MATN2: variants seen among roughly 807,000 people sequenced by gnomAD.
The protein encoded by MATN2 is matrilin-2.
In MATN2, 69 loss-of-function variants were observed where a neutral mutation model predicts 103.2. The ratio of observed to expected loss-of-function variants is 0.67; its 90% CI spans 0.55 to 0.82. The LOEUF (loss-of-function observed/expected upper bound fraction) is 0.82. MATN2 is among the 40% of genes least tolerant of loss of function. The pLI is 0.00. For synonymous variants in MATN2, 429 were observed against 450.2 expected (o/e 0.95, Z 0.60); for missense variants, 1,023 against 1,211.5 (o/e 0.84, Z 2.31).
In MATN2 at chr8:97,903,232, G is replaced by T. The variant is rs996490199; in HGVS notation, c.142+14990G>T. Among the ~76,000 whole-genome samples, 3 of 148,946 alleles carry T rather than the reference G, an allele frequency of 2.0e-5. No individual in the cohort carries two copies. In the Admixed American group the frequency reaches 2.1e-4, roughly 10 times the overall value. On this transcript the variant is annotated intron_variant, in intron 2 of 18. Coordinates refer to ENST00000254898, the MANE Select transcript of MATN2 (RefSeq NM_002380.5). ...TGCTCCATGGAACACACACATGCACGCCTTCACCCACCCTTTCCTGTACCT... is the reference window on the plus strand; with the variant it reads ...TGCTCCATGGAACACACACATGCACTCCTTCACCCACCCTTTCCTGTACCT...
chr8:97,964,973 G>A lies in MATN2; in HGVS notation c.958+3443G>A, dbSNP rs186442504. 7.0e-4 allele frequency among the ~76,000 whole-genome samples: 107 copies of A among 152,144 alleles called. 1 individual carries two copies. The highest frequency in any genetic ancestry group is 2.5e-3 in the African/African-American group (105 of 41,498). On this transcript the variant is annotated intron_variant, in intron 5 of 18. Transcript: ENST00000254898. The stretch of plus-strand genomic sequence containing the variant: ...GGTATTGAACTCCTGAGCTCAAGTA[G>A]TCTACCTGCCTCGGCCTCCTAAAGT...
In MATN2 at chr8:98,032,357, A is replaced by C. The variant is rs1268191307; in HGVS notation, c.2581+40A>C. The stretch of plus-strand genomic sequence containing the variant: ...GCAGTGTTTTTAGAAATTTTGGTGG[A>C]GGGAACCATGGTTTCCCTCCAGATA... On this transcript the variant is annotated intron_variant, in intron 16 of 18. Transcript: ENST00000254898. The C allele has an allele frequency of 2.7e-6, 4 of 1,502,106 alleles. No individual in the cohort carries two copies. In the Admixed American group the frequency reaches 5.6e-5, roughly 21 times the overall value. The allele number at this position is 1,502,106 out of a possible 1,614,324, so 93.0% of individuals were successfully genotyped here.
chr8:98,027,494 T>A lies in MATN2; in HGVS notation c.2021T>A (p.Val674Glu). 1 of 1,613,952 alleles carries A rather than the reference T, an allele frequency of 6.2e-7. No individual in the cohort carries two copies. The highest frequency in any genetic ancestry group is 2.2e-5 in the East Asian group (1 of 44,864). The change falls in exon 14 of 19, where the codon GTG becomes GAG. Residue 674 changes from valine to glutamate, a missense_variant. Val to Glu is a moderately radical substitution (Grantham distance 121, BLOSUM62 -2). Coordinates refer to ENST00000254898, the MANE Select transcript of MATN2 (RefSeq NM_002380.5). ...CTTGGAGAAGAGAATTTTGAGGTCG[T>A]GAAGCAGTTTGTCACTGGAATTATA... ...KSLGEENFEVVKQFVTGIIDS... is the reference protein window; with the variant it reads ...KSLGEENFEVEKQFVTGIIDS...
At chr8:97,999,745 C>T (rs949072711) in intron 7 of MATN2, among the ~76,000 whole-genome samples, 1 of 152,148 alleles carries the variant, frequency 6.6e-6, no homozygotes. Context: ...TCTTCTACAC[C>T]AGCCCTGCAT....
intron 2 of MATN2, among the ~76,000 whole-genome samples, chr8:97,920,392 G>A (rs578166761): frequency 1.3e-5 from 2 of 152,114 alleles, no homozygotes; most frequent in Admixed American, 6.5e-5. Flanking sequence ...ATTTTTAGTA[G>A]AGATGGGGTT....
intron 5 of MATN2, among the ~76,000 whole-genome samples, chr8:97,974,137 T>TTTTA (rs1212880814): frequency 6.6e-6 from 1 of 152,142 alleles, no homozygotes; most frequent in Non-Finnish European, 1.5e-5. Context: ...TTGGTTTTTA[T>TTTTA]TTTATTTATT....
intron 2 of MATN2, among the ~76,000 whole-genome samples, chr8:97,893,303 C>T (rs752290698): frequency 1.3e-5 from 2 of 152,196 alleles, no homozygotes; most frequent in Non-Finnish European, 2.9e-5. Context: ...ACCCTTTGGA[C>T]TTGGATTCTT....
rs760183163 is a variant in MATN2 at position 97,961,418 on chromosome 8, G to C, written c.846G>C (p.Leu282=). 6.2e-6 allele frequency: 10 copies of C among 1,612,948 alleles called. No homozygotes were observed. Among genetic ancestry groups the C allele is most frequent in the Non-Finnish European group, 6.8e-6 (8 of 1,179,418 alleles). ...GTGACTTTGCCTCAGTCCAGGATCT[G>C]TGTGCCATGGAGGACCACAACTGTG... ...SDQTTCRIQD[L]CAMEDHNCEQ... is the part of the protein sequence containing the mutation. The change falls in exon 5 of 19, where the codon CTG becomes CTC. Residue 282 remains leucine, a synonymous_variant. Coordinates refer to ENST00000254898, the MANE Select transcript of MATN2 (RefSeq NM_002380.5).
Position 98,033,192 on chromosome 8 carries a change from A to C in MATN2, c.2716+16A>C. The C allele has an allele frequency of 6.3e-7, 1 of 1,586,598 alleles. No individual in the cohort carries two copies. Among genetic ancestry groups the C allele is most frequent in the Non-Finnish European group, 8.6e-7 (1 of 1,168,022 alleles). On this transcript the variant is annotated intron_variant, in intron 17 of 18. Transcript: ENST00000254898. ...AAACCTTCAGGTAATTCCAAGTAAAATATTACTATAAGATAACTTGATCTC... is the reference window on the plus strand; with the variant it reads ...AAACCTTCAGGTAATTCCAAGTAAACTATTACTATAAGATAACTTGATCTC...
At position 97,869,919 on chromosome 8, in the gene MATN2, A is replaced by G. The variant is rs550338941; in HGVS notation, c.-27+632A>G. 8.5e-5 allele frequency among the ~76,000 whole-genome samples: 13 copies of G among 152,286 alleles called. No individual in the cohort carries two copies. In the East Asian group the frequency reaches 2.5e-3, roughly 29 times the overall value. The stretch of plus-strand genomic sequence containing the variant: ...GTCTCCAGGACTGGGGGCACAGGAA[A>G]GTGCTCTCCTCAGGGACACTCGCGC... On this transcript the variant is annotated intron_variant, in intron 1 of 18. Coordinates refer to ENST00000254898, the MANE Select transcript of MATN2 (RefSeq NM_002380.5).
At chr8:97,879,547 A>T (rs1387067982) in intron 1 of MATN2, among the ~76,000 whole-genome samples, 1 of 152,208 alleles carries the variant, frequency 6.6e-6, no homozygotes, top group Non-Finnish European at 1.5e-5. Context: ...CATTCGCTGC[A>T]GCAGTGGGAA....
chr8:97,917,675 C>T (rs111553559), intron 2 of MATN2, among the ~76,000 whole-genome samples: 2,551 of 152,282 alleles, frequency 0.017, 82 homozygotes, highest in African/African-American at 0.059. Flanking sequence ...TGGGGGAAGA[C>T]CCTGGAAATC....
At chr8:97,948,583 A>G (rs1810829022) in intron 4 of MATN2, among the ~76,000 whole-genome samples, 1 of 152,244 alleles carries the variant, frequency 6.6e-6, no homozygotes, top group African/African-American at 2.4e-5. Flanking sequence ...TGGGAAGGCA[A>G]TCCAATGAGG....
intron 1 of MATN2, among the ~76,000 whole-genome samples, chr8:97,879,766 C>T (rs375477080): frequency 6.6e-6 from 1 of 152,156 alleles, no homozygotes; most frequent in Non-Finnish European, 1.5e-5. Flanking sequence ...GGCAAGCAGG[C>T]CTGCACCACT....
chr8:97,877,227 T>TAACA (rs1178779942), intron 1 of MATN2, among the ~76,000 whole-genome samples: 1 of 151,882 alleles, frequency 6.6e-6, no homozygotes, highest in African/African-American at 2.4e-5. Flanking sequence ...CCCATAATCC[T>TAACA]AACACTTTGG....
rs186330471 is a variant in MATN2 at position 97,892,407 on chromosome 8, C to A, written c.142+4165C>A. 3.0e-3 allele frequency among the ~76,000 whole-genome samples: 376 copies of A among 127,012 alleles called. 3 individuals carry two copies. The highest frequency in any genetic ancestry group is 0.011 in the African/African-American group (358 of 33,910). 83.3% of individuals were successfully genotyped at this position (127,012 alleles called of 152,430 possible). ...CTCCAGCCTGGGTGACAGAGTGAGA[C>A]CCTGTCTCAAAAAAAAAAAAAAAAA... On this transcript the variant is annotated intron_variant, in intron 2 of 18. Transcript: ENST00000254898.
rs115978843 is a variant in MATN2 at position 97,933,579 on chromosome 8, T to A, written c.712+2057T>A. ...TAGGATATACCAATGTGGACTTGTC[T>A]GTGGAAAAACCATCTCTGTGTGCTT... is the stretch of plus-strand genomic sequence containing the variant. On this transcript the variant is annotated intron_variant, in intron 3 of 18. Transcript: ENST00000254898. Among the ~76,000 whole-genome samples the A allele has an allele frequency of 6.7e-3, 909 of 136,062 alleles. 10 individuals carry two copies. The highest frequency in any genetic ancestry group is 0.023 in the African/African-American group (839 of 36,470). The allele number at this position is 136,062 out of a possible 152,430, so 89.3% of individuals were successfully genotyped here. A position where few individuals can be genotyped will look rare whatever the true frequency, so the allele number is the denominator to read the frequency against.
At chr8:97,930,604 CTCTCTTTTAATGTTTTTATT>C (rs1281027177) in intron 2 of MATN2, 9 of 178,206 alleles carry the variant, frequency 5.1e-5, no homozygotes, top group African/African-American at 2.1e-4. Context: ...GGGTCCTTAA[CTCTCTTTTAATGTTTTTATT>C]CTTATTTTTA....
At chr8:97,889,530 G>A (rs1054294080) in intron 2 of MATN2, among the ~76,000 whole-genome samples, 5 of 142,084 alleles carry the variant, frequency 3.5e-5, no homozygotes, top group East Asian at 2.2e-4. Flanking sequence ...TGCAACCTCC[G>A]CCTCCTGGGT....
Sources: allele counts gnomAD v4.1 joint callset (sites outside exome capture counted in the v4.1 genomes callset), GRCh38; gene constraint gnomAD v4.1.1; transcripts MANE v1.5; gene names NCBI Gene and HGNC (gene_info 2026-07-23, HGNC 2026-07-21).